The following NRXN3 variants were observed in gnomAD, a reference collection of about 807,000 sequenced individuals.
NRXN3 encodes the protein neurexin 3, also known as neurexin III.
NRXN3 carries 32 observed loss-of-function variants against 137.6 expected under a neutral mutation model. That is an observed-to-expected ratio of 0.23 (90% CI 0.18 to 0.31). The LOEUF (loss-of-function observed/expected upper bound fraction) is 0.31. Among genes scored for constraint, NRXN3 ranks in the 10% least tolerant of loss-of-function variants. The probability of loss-of-function intolerance (pLI) is 1.00; values close to 1 mark genes in which losing one functional copy is unlikely to be tolerated. For missense variants in NRXN3, 1,574 were observed against 2,062.5 expected (o/e 0.76, Z 4.59); for synonymous variants, 798 against 784.5 (o/e 1.02, Z -0.29).
At chr14:79,741,451 ATGTG>A (rs113579838) in intron 19 of NRXN3, among the ~76,000 whole-genome samples, 50 of 149,904 alleles carry the variant, frequency 3.3e-4, no homozygotes, top group Admixed American at 9.3e-4. Context: ...AAGTTGAAAT[ATGTG>A]TGTGTGTGTG....
chr14:79,750,293 T>C (rs1165980795), intron 19 of NRXN3, among the ~76,000 whole-genome samples: 4 of 152,166 alleles, frequency 2.6e-5, no homozygotes, highest in Non-Finnish European at 5.9e-5. Context: ...TCTATTTTTT[T>C]ATCCTACACC....
At chr14:78,969,413 C>T (rs903585682) in intron 14 of NRXN3, among the ~76,000 whole-genome samples, 3 of 152,182 alleles carry the variant, frequency 2.0e-5, no homozygotes, top group Non-Finnish European at 4.4e-5. Flanking sequence ...GTTGCCTGAC[C>T]AAGGATCTAT....
At chr14:78,968,066 A>G (rs868829905) in intron 13 of NRXN3, 107 bp from the exon 14 acceptor site, 118 of 21,262 alleles carry the variant, frequency 5.5e-3, no homozygotes, top group Middle Eastern at 0.02. Context: ...CCCCCCCCCC[A>G]GCTATCTTAT....
chr14:79,367,151 T>C (rs140670189), intron 15 of NRXN3, among the ~76,000 whole-genome samples: 21,024 of 151,948 alleles, frequency 0.14, 1,898 homozygotes, highest in Non-Finnish European at 0.2. Context: ...GCCTAGCTTA[T>C]TTTTTGTATT....
chr14:79,345,911 A>C (rs1281973502), intron 15 of NRXN3, among the ~76,000 whole-genome samples: 1 of 152,168 alleles, frequency 6.6e-6, no homozygotes, highest in Non-Finnish European at 1.5e-5. Context: ...GTATTTCTTT[A>C]TGGCACCACA....
intron 15 of NRXN3, among the ~76,000 whole-genome samples, chr14:79,325,933 A>T (rs1036061633): frequency 6.6e-6 from 1 of 151,860 alleles, no homozygotes; most frequent in Non-Finnish European, 1.5e-5. Flanking sequence ...ATAAAAAATA[A>T]AAAAAAGCTA....
At chr14:79,668,774 G>A (rs2098586667) in intron 17 of NRXN3, among the ~76,000 whole-genome samples, 1 of 152,008 alleles carries the variant, frequency 6.6e-6, no homozygotes, top group African/African-American at 2.4e-5. Context: ...CCCCCTGGAT[G>A]CCACTCTCAT....
chr14:79,209,313 T>TAA (rs376791418), intron 15 of NRXN3, among the ~76,000 whole-genome samples: 10 of 143,946 alleles, frequency 6.9e-5, no homozygotes, highest in Non-Finnish European at 9.2e-5. Flanking sequence ...CAGTCTTTAT[T>TAA]AAAAAAAAAA....
intron 16 of NRXN3, among the ~76,000 whole-genome samples, chr14:79,496,539 A>G (rs913405359): frequency 6.6e-6 from 1 of 152,224 alleles, no homozygotes; most frequent in East Asian, 1.9e-4. Context: ...ATCAGTGATC[A>G]TTGTAAGAAT....
chr14:78,988,326 A>G, intron 15 of NRXN3, 185 bp downstream of exon 15: 1 of 703,542 alleles, frequency 1.4e-6, no homozygotes, highest in Non-Finnish European at 2.4e-6. Flanking sequence ...GTCTTGCTTA[A>G]CAACACTAAA....
At chr14:78,297,738 T>G in intron 3 of NRXN3, 93 bp from the exon 4 acceptor site, 1 of 949,676 alleles carries the variant, frequency 1.1e-6, no homozygotes, top group Non-Finnish European at 1.6e-6. Flanking sequence ...GGATTAAGAT[T>G]GTATTGCATT....
At chr14:78,959,025 C>A (rs1307560932) in intron 11 of NRXN3, among the ~76,000 whole-genome samples, 1 of 152,168 alleles carries the variant, frequency 6.6e-6, no homozygotes, top group Non-Finnish European at 1.5e-5. Flanking sequence ...TCTATTATTT[C>A]TATGGCCTTT....
intron 10 of NRXN3, among the ~76,000 whole-genome samples, chr14:78,864,941 C>A (rs889965503): frequency 6.6e-6 from 1 of 152,092 alleles, no homozygotes; most frequent in Non-Finnish European, 1.5e-5. Flanking sequence ...AGATGAAAGT[C>A]AGAGGATTAT....
chr14:79,048,795 C>T (rs1430182712), intron 15 of NRXN3, among the ~76,000 whole-genome samples: 38 of 147,334 alleles, frequency 2.6e-4, no homozygotes, highest in Non-Finnish European at 1.4e-4. Flanking sequence ...GAGGCCGAGA[C>T]GGGCGGATCA....
chr14:79,089,456 C>A (rs1164184895), intron 15 of NRXN3, among the ~76,000 whole-genome samples: 6 of 152,116 alleles, frequency 3.9e-5, no homozygotes, highest in Non-Finnish European at 8.8e-5. Context: ...CAGTCAGAGA[C>A]ATGTGGGCAC....
At chr14:79,227,885 T>G (rs2071360874) in intron 15 of NRXN3, among the ~76,000 whole-genome samples, 1 of 148,404 alleles carries the variant, frequency 6.7e-6, no homozygotes, top group South Asian at 2.2e-4. Context: ...CCTCTTTACC[T>G]AATGTCTCAA....
At chr14:79,583,500 AT>A (rs1165358471) in intron 16 of NRXN3, among the ~76,000 whole-genome samples, 1 of 151,998 alleles carries the variant, frequency 6.6e-6, no homozygotes, top group African/African-American at 2.4e-5. Context: ...ATATTTTTCA[AT>A]TATTTTTATT....
At chr14:79,361,647 G>A (rs909823989) in intron 15 of NRXN3, among the ~76,000 whole-genome samples, 13 of 152,146 alleles carry the variant, frequency 8.5e-5, no homozygotes, top group African/African-American at 2.4e-4. Flanking sequence ...AACCCAGGAG[G>A]CAGAGGTTGC....
intron 19 of NRXN3, among the ~76,000 whole-genome samples, chr14:79,778,520 C>T (rs1217724876): frequency 6.6e-6 from 1 of 152,194 alleles, no homozygotes; most frequent in Non-Finnish European, 1.5e-5. Flanking sequence ...AGGGAATAAA[C>T]TAGATAAACC....
Sources: allele counts gnomAD v4.1 joint callset (sites outside exome capture counted in the v4.1 genomes callset), GRCh38; gene constraint gnomAD v4.1.1; transcripts MANE v1.5; gene names NCBI Gene and HGNC (gene_info 2026-07-23, HGNC 2026-07-21).